The following GRID1 variants were observed in gnomAD, a reference collection of about 807,000 sequenced individuals.
GRID1 encodes the protein glutamate receptor ionotropic, delta-1.
In GRID1, 28 loss-of-function variants were observed where a neutral mutation model predicts 98.0. The ratio of observed to expected loss-of-function variants is 0.29; its 90% confidence interval spans 0.21 to 0.39. GRID1 has a LOEUF of 0.39. Among genes scored for constraint, GRID1 ranks in the 10% least tolerant of loss-of-function variants. The pLI is 1.00. For missense variants in GRID1, 1,111 were observed against 1,340.5 expected (o/e 0.83, Z 2.67); for synonymous variants, 553 against 538.5 (o/e 1.03, Z -0.37).
intron 12 of GRID1, among the ~76,000 whole-genome samples, chr10:85,695,601 T>G (rs777866504): frequency 6.6e-6 from 1 of 152,082 alleles, no homozygotes; most frequent in Admixed American, 6.6e-5. Flanking sequence ...ACAGGAGGAA[T>G]AGAAGAATAA....
intron 2 of GRID1, among the ~76,000 whole-genome samples, chr10:86,249,031 G>A (rs1023362502): frequency 6.6e-6 from 1 of 151,650 alleles, no homozygotes; most frequent in Non-Finnish European, 1.5e-5. Flanking sequence ...CTCACTGGAG[G>A]AGCCAAGACT....
At chr10:85,729,008 A>G (rs17105808) in intron 9 of GRID1, among the ~76,000 whole-genome samples, 5,944 of 152,298 alleles carry the variant, frequency 0.039, 371 homozygotes, top group African/African-American at 0.13. Flanking sequence ...TCTCTTACAA[A>G]TGCAAAAGTC....
intron 8 of GRID1, among the ~76,000 whole-genome samples, chr10:85,842,021 A>G (rs536956596): frequency 1.3e-5 from 2 of 152,272 alleles, no homozygotes; most frequent in East Asian, 3.9e-4. Context: ...AAACACATGC[A>G]TGTGTATGTT....
At chr10:86,022,563 G>C (rs879047867) in intron 4 of GRID1, among the ~76,000 whole-genome samples, 1 of 151,328 alleles carries the variant, frequency 6.6e-6, no homozygotes, top group African/African-American at 2.4e-5. Context: ...TTTTTTCCCC[G>C]AGGTCTCTGT....
chr10:86,015,910 T>C (rs998299216), intron 4 of GRID1, among the ~76,000 whole-genome samples: 8 of 152,016 alleles, frequency 5.3e-5, no homozygotes, highest in African/African-American at 1.9e-4. Flanking sequence ...CTAAGGACCA[T>C]GATGGGGCTG....
At chr10:86,178,619 G>C (rs572457834) in intron 3 of GRID1, among the ~76,000 whole-genome samples, 1 of 151,126 alleles carries the variant, frequency 6.6e-6, no homozygotes. Context: ...CATCCACCCC[G>C]GGGCGTTCTA....
At chr10:85,704,610 C>G (rs1369418746) in intron 12 of GRID1, among the ~76,000 whole-genome samples, 3 of 152,154 alleles carry the variant, frequency 2.0e-5, no homozygotes, top group Non-Finnish European at 4.4e-5. Flanking sequence ...AGCTCTGCAC[C>G]AAGTGGACCT....
At chr10:85,849,880 T>G (rs916809168) in intron 8 of GRID1, among the ~76,000 whole-genome samples, 2 of 152,076 alleles carry the variant, frequency 1.3e-5, no homozygotes, top group African/African-American at 4.8e-5. Context: ...AGGGCCAGAG[T>G]AAAGCTTGAC....
intron 4 of GRID1, among the ~76,000 whole-genome samples, chr10:86,076,803 G>T (rs1843888769): frequency 7.3e-6 from 1 of 136,928 alleles, no homozygotes; most frequent in Non-Finnish European, 1.6e-5. Context: ...TGTACTAGCT[G>T]CTGAGGGTTT....
intron 3 of GRID1, among the ~76,000 whole-genome samples, chr10:86,144,673 C>A (rs1845059552): frequency 6.6e-6 from 1 of 152,224 alleles, no homozygotes; most frequent in Non-Finnish European, 1.5e-5. Flanking sequence ...CTAATGCCCT[C>A]TCCCCCTGGG....
At chr10:85,808,161 G>A (rs982650931) in intron 8 of GRID1, among the ~76,000 whole-genome samples, 3 of 152,030 alleles carry the variant, frequency 2.0e-5, no homozygotes, top group African/African-American at 7.2e-5. Flanking sequence ...ACAATTACAA[G>A]GTTACTCCTG....
intron 8 of GRID1, among the ~76,000 whole-genome samples, chr10:85,756,557 G>T (rs1880383): frequency 6.6e-6 from 1 of 152,072 alleles, no homozygotes; most frequent in Non-Finnish European, 1.5e-5. Flanking sequence ...GTGTGAATAC[G>T]CTGGACAAAG....
chr10:85,915,986 C>T (rs560381832), intron 5 of GRID1, among the ~76,000 whole-genome samples, 200 bp downstream of exon 5: 5 of 152,330 alleles, frequency 3.3e-5, no homozygotes, highest in African/African-American at 1.2e-4. Flanking sequence ...GGTCAGGATT[C>T]TTTCTCTCGT....
At chr10:85,784,900 A>G (rs1842412729) in intron 8 of GRID1, among the ~76,000 whole-genome samples, 1 of 152,160 alleles carries the variant, frequency 6.6e-6, no homozygotes, top group Non-Finnish European at 1.5e-5. Flanking sequence ...ACACAATTGG[A>G]CTGCATTTTC....
At chr10:86,213,655 C>T (rs1041403016) in intron 2 of GRID1, among the ~76,000 whole-genome samples, 2 of 152,080 alleles carry the variant, frequency 1.3e-5, no homozygotes, top group Admixed American at 1.3e-4. Context: ...GCATGTTTGA[C>T]CCACCCCACT....
At chr10:85,649,709 A>T (rs1050335163) in intron 12 of GRID1, among the ~76,000 whole-genome samples, 1 of 152,094 alleles carries the variant, frequency 6.6e-6, no homozygotes, top group Non-Finnish European at 1.5e-5. Flanking sequence ...TTCTCTCTCC[A>T]CTTGGTATTA....
intron 2 of GRID1, among the ~76,000 whole-genome samples, chr10:86,336,025 AT>A (rs1469291763): frequency 6.6e-6 from 1 of 152,238 alleles, no homozygotes; most frequent in Non-Finnish European, 1.5e-5. Context: ...AGGGGCAGGA[AT>A]CCAGGAGTCA....
chr10:86,250,952 G>C (rs538984267), intron 2 of GRID1, among the ~76,000 whole-genome samples: 5 of 152,372 alleles, frequency 3.3e-5, no homozygotes, highest in African/African-American at 9.6e-5. Flanking sequence ...TATTGTGTCT[G>C]TGTAGAAAGA....
intron 8 of GRID1, among the ~76,000 whole-genome samples, chr10:85,816,030 G>T (rs1202390657): frequency 1.3e-5 from 2 of 151,994 alleles, no homozygotes; most frequent in Non-Finnish European, 2.9e-5. Flanking sequence ...AGCACCAAAT[G>T]CTGGCAAAAA....
Sources: gnomAD v4.1 joint callset for allele counts (sites outside exome capture counted in the v4.1 genomes callset) on GRCh38, gnomAD v4.1.1 for gene constraint, MANE v1.5 for transcripts, NCBI Gene and HGNC (gene_info 2026-07-23, HGNC 2026-07-21) for gene names.